The following INSR variants were observed in gnomAD, a reference collection of about 807,000 sequenced individuals.
INSR encodes insulin receptor.
A neutral mutation model predicts 142.6 loss-of-function variants in INSR; 67 were observed. The observed-to-expected ratio is 0.47, with a 90% CI of 0.39 to 0.58. The LOEUF (loss-of-function observed/expected upper bound fraction) is 0.58. Among genes scored for constraint, INSR ranks in the 20% least tolerant of loss-of-function variants. The pLI is 0.00. For missense variants in INSR, 1,248 were observed against 1,833.2 expected (o/e 0.68, Z 5.83); for synonymous variants, 756 against 743.1 (o/e 1.02, Z -0.28).
chr19:7,254,441 ATT>A (rs1441699723), intron 2 of INSR, among the ~76,000 whole-genome samples: 1 of 152,052 alleles, frequency 6.6e-6, no homozygotes, highest in East Asian at 1.9e-4. Context: ...AGGCTGGAGG[ATT>A]GCTTGAGCCC....
intron 11 of INSR, among the ~76,000 whole-genome samples, chr19:7,148,106 G>C (rs1197369431): frequency 6.6e-6 from 1 of 151,974 alleles, no homozygotes; most frequent in Non-Finnish European, 1.5e-5. Flanking sequence ...TAGAGACGGG[G>C]TTTCGCCATG....
intron 2 of INSR, among the ~76,000 whole-genome samples, chr19:7,201,327 TGTC>T (rs1240107845): frequency 6.6e-6 from 1 of 152,178 alleles, no homozygotes; most frequent in African/African-American, 2.4e-5. Context: ...TTAGTAGAGC[TGTC>T]TTTACAATTT....
rs1424523294 is a variant in INSR, at chr19:7,146,236, C to CCTTTTTTTTTTTTTTTTTTTTTT, written c.2268-3147_2268-3146insAAAAAAAAAAAAAAAAAAAAAAG. Among the ~76,000 whole-genome samples the CCTTTTTTTTTTTTTTTTTTTTTT allele has an allele frequency of 1.5e-4, 17 of 110,756 alleles. 8 individuals are homozygous for CCTTTTTTTTTTTTTTTTTTTTTT. The highest frequency in any genetic ancestry group is 1.1e-4 in the Non-Finnish European group (6 of 53,232). 72.7% of individuals were successfully genotyped at this position (110,756 alleles called of 152,430 possible). ...TTCAGTGCAGTATCTTTGTCAAGTT[C>CCTTTTTTTTTTTTTTTTTTTTTT]TTTTTTTTTTTTTTTTTTTTTTGAG... On this transcript the variant is annotated intron_variant, in intron 11 of 21. Coordinates refer to ENST00000302850, the MANE Select transcript of INSR (RefSeq NM_000208.4).
chr19:7,150,843 G>T lies in INSR; in HGVS notation c.2232-311C>A, dbSNP rs1728160621. Among the ~76,000 whole-genome samples the T allele has an allele frequency of 1.3e-5, 2 of 152,116 alleles. No individual in the cohort carries two copies. The highest frequency in any genetic ancestry group is 2.9e-5 in the Non-Finnish European group (2 of 68,016). On this transcript the variant is annotated intron_variant, in intron 10 of 21. Transcript: ENST00000302850. The surrounding 1 kb of genome is among the most constrained non-coding windows in gnomAD (Gnocchi z 4.2). ...CTCAGCCACTTCTCCAAGTCTGGCA[G>T]AATTTTTCTTTTCTTTCCCTTCTTT...
At chr19:7,230,178 T>A (rs1600064795) in intron 2 of INSR, among the ~76,000 whole-genome samples, 1 of 151,972 alleles carries the variant, frequency 6.6e-6, no homozygotes, top group South Asian at 2.1e-4. Context: ...AAGGCACAGG[T>A]CAATGAATGG....
intron 2 of INSR, among the ~76,000 whole-genome samples, chr19:7,250,941 A>G (rs915005048): frequency 1.3e-5 from 2 of 152,060 alleles, no homozygotes; most frequent in Non-Finnish European, 2.9e-5. Context: ...CCCAAGCCAG[A>G]AAGCCCAGCT....
intron 17 of INSR, among the ~76,000 whole-genome samples, chr19:7,124,738 G>A (rs1228424566): frequency 6.8e-6 from 1 of 147,940 alleles, no homozygotes; most frequent in East Asian, 2.0e-4. Flanking sequence ...ACAAGAGCAG[G>A]GCTTTAAATG....
chr19:7,125,574 G>T lies in INSR; in HGVS notation c.3014-47C>A. 1.9e-6 allele frequency: 3 copies of T among 1,606,390 alleles called. No individual in the cohort carries two copies. The highest frequency in any genetic ancestry group is 2.5e-6 in the Non-Finnish European group (3 of 1,179,734). Reference sequence around the variant, plus strand: ...AGCATCCTTGGAGGATCCCTTGGGGGTCTGCAGCCACCTTCCACCCAAGCC... The same window carrying T: ...AGCATCCTTGGAGGATCCCTTGGGGTTCTGCAGCCACCTTCCACCCAAGCC... On this transcript the variant is annotated intron_variant, in intron 16 of 21. Coordinates refer to ENST00000302850, the MANE Select transcript of INSR (RefSeq NM_000208.4). This position sits in a 1 kb window ranked among gnomAD's most constrained non-coding sequence, Gnocchi z 4.9.
chr19:7,197,352 G>GT (rs1974780344), intron 2 of INSR, among the ~76,000 whole-genome samples: 2 of 152,268 alleles, frequency 1.3e-5, no homozygotes, highest in African/African-American at 4.8e-5. Context: ...GAGTGAGTGA[G>GT]TGAGTGGGGA....
chr19:7,250,629 A>G (rs1284994441), intron 2 of INSR, among the ~76,000 whole-genome samples: 3 of 151,378 alleles, frequency 2.0e-5, no homozygotes, highest in African/African-American at 7.3e-5. Flanking sequence ...GCAGGGAGGA[A>G]GAAGATGAGA....
chr19:7,202,983 G>A (rs1975004677), intron 2 of INSR, among the ~76,000 whole-genome samples: 2 of 49,840 alleles, frequency 4.0e-5, no homozygotes, highest in Non-Finnish European at 8.0e-5. Context: ...TTGGTTTGGG[G>A]TGGGGTTTTG....
intron 3 of INSR, among the ~76,000 whole-genome samples, chr19:7,179,345 G>A (rs1427364273): frequency 6.6e-6 from 1 of 152,236 alleles, no homozygotes; most frequent in East Asian, 1.9e-4. Context: ...GCCAGTGTCT[G>A]AAGCAAGGGA....
At chr19:7,224,940 A>C (rs2145109855) in intron 2 of INSR, among the ~76,000 whole-genome samples, 1 of 152,102 alleles carries the variant, frequency 6.6e-6, no homozygotes, top group South Asian at 2.1e-4. Flanking sequence ...GTGGGGGAAC[A>C]GAGGAAAGAA....
chr19:7,293,624 T>C (rs2145264150), intron 1 of INSR, among the ~76,000 whole-genome samples, 168 bp downstream of exon 1: 1 of 152,086 alleles, frequency 6.6e-6, no homozygotes, highest in Middle Eastern at 3.4e-3. Flanking sequence ...AAGGCCAAGG[T>C]CAGAGGCTTC....
chr19:7,158,487 C>A (rs1235430398), intron 9 of INSR, among the ~76,000 whole-genome samples: 6 of 151,848 alleles, frequency 4.0e-5, no homozygotes, highest in Admixed American at 3.9e-4. Flanking sequence ...GGTGACAGAG[C>A]GAGACTCCGT....
chr19:7,225,117 C>A lies in INSR; in HGVS notation c.653-40480G>T, dbSNP rs1975740517. ...AGTTTCCTATGCACCCAGCACTATT[C>A]CAATTATTAACCATTTATTTCCCCC... On this transcript the variant is annotated intron_variant, in intron 2 of 21. Transcript: ENST00000302850. This position sits in a 1 kb window ranked among gnomAD's most constrained non-coding sequence, Gnocchi z 4.7. 6.6e-6 allele frequency among the ~76,000 whole-genome samples: 1 copy of A among 152,096 alleles called. No homozygotes were observed.
At chr19:7,156,052 CTTTTTT>C (rs147889782) in intron 9 of INSR, among the ~76,000 whole-genome samples, 2 of 67,346 alleles carry the variant, frequency 3.0e-5, no homozygotes, top group Non-Finnish European at 5.6e-5. Flanking sequence ...ATATGGAATT[CTTTTTT>C]TTTTTTTTTT....
chr19:7,132,481 A>G (rs1406972972), intron 13 of INSR, among the ~76,000 whole-genome samples, 164 bp from the exon 14 acceptor site: 1 of 152,260 alleles, frequency 6.6e-6, no homozygotes, highest in Non-Finnish European at 1.5e-5. Context: ...GCAGAATTTT[A>G]TAACCATAGT....
At chr19:7,214,209 T>A (rs984394441) in intron 2 of INSR, among the ~76,000 whole-genome samples, 3 of 152,094 alleles carry the variant, frequency 2.0e-5, no homozygotes, top group Admixed American at 2.0e-4. Flanking sequence ...AGAAGAGACA[T>A]TTTCCCCAGA....
Sources: gnomAD v4.1 joint callset for allele counts (sites outside exome capture counted in the v4.1 genomes callset) on GRCh38, gnomAD v4.1.1 for gene constraint, Gnocchi (gnomAD v3.1) non-coding constraint, MANE v1.5 for transcripts, NCBI Gene and HGNC (gene_info 2026-07-23, HGNC 2026-07-21) for gene names.